SPAG17: variants seen among roughly 807,000 people sequenced by gnomAD.
The protein encoded by SPAG17 is sperm-associated antigen 17.
In SPAG17, 169 loss-of-function variants were observed where a neutral mutation model predicts 273.6. That is an observed-to-expected ratio of 0.62 (90% CI 0.55 to 0.70). The LOEUF is 0.70. SPAG17 is among the 30% of genes least tolerant of loss of function. The probability of loss-of-function intolerance (pLI) is 0.00; values close to 1 mark genes in which losing one functional copy is unlikely to be tolerated. For synonymous variants in SPAG17, 825 were observed against 873.2 expected, an observed-to-expected ratio of 0.94 and a Z score of 0.97; for missense variants, 2,557 against 2,627.8, an observed-to-expected ratio of 0.97 and a Z score of 0.59.
chr1:118,027,545 A>G (rs1647895200), intron 26 of SPAG17, among the ~76,000 whole-genome samples: 1 of 152,174 alleles, frequency 6.6e-6, no homozygotes, highest in Non-Finnish European at 1.5e-5. Context: ...AAAGGGACAC[A>G]TCATTCGTTG....
intron 45 of SPAG17, among the ~76,000 whole-genome samples, chr1:117,971,062 T>A (rs369187315): frequency 1.4e-4 from 21 of 152,248 alleles, no homozygotes; most frequent in South Asian, 4.1e-4. Context: ...GTTTTTTTTT[T>A]ATCTGATTTC....
intron 34 of SPAG17, among the ~76,000 whole-genome samples, chr1:117,996,134 C>T (rs1157117542): frequency 6.6e-6 from 1 of 152,082 alleles, no homozygotes; most frequent in Non-Finnish European, 1.5e-5. Context: ...GATACATACT[C>T]AGCGTATGCA....
chr1:117,961,992 T>G (rs1653161128), intron 48 of SPAG17: 1 of 151,906 alleles, frequency 6.6e-6, no homozygotes, highest in South Asian at 2.1e-4. Context: ...AATGTCACTT[T>G]CTAGTAACAT....
At chr1:117,973,374 T>A (rs780791840) in intron 44 of SPAG17, 51 bp downstream of exon 44, 2 of 1,575,976 alleles carry the variant, frequency 1.3e-6, no homozygotes, top group African/African-American at 1.4e-5. Context: ...AATAAAGAAT[T>A]CCATCAAATG....
At chr1:117,959,394 GAGA>G (rs780836502) in intron 48 of SPAG17, 11 of 1,613,742 alleles carry the variant, frequency 6.8e-6, no homozygotes, top group East Asian at 4.5e-5. Flanking sequence ...CCACTTGGAA[GAGA>G]AGAAGAGGAA....
chr1:118,148,978 G>A (rs538147241), intron 3 of SPAG17, among the ~76,000 whole-genome samples: 19 of 152,300 alleles, frequency 1.2e-4, no homozygotes, highest in African/African-American at 4.6e-4. Context: ...ATGCTGACAA[G>A]GAGCCTGAAT....
chr1:117,976,293 C>A (rs1482975143), intron 43 of SPAG17, among the ~76,000 whole-genome samples: 1 of 152,210 alleles, frequency 6.6e-6, no homozygotes, highest in Non-Finnish European at 1.5e-5. Flanking sequence ...ACAACTGGTA[C>A]AATCCAACTA....
chr1:117,991,623 A>T lies in SPAG17; in HGVS notation c.5362-95T>A, dbSNP rs886196599. The T allele has an allele frequency of 1.8e-5, 13 of 728,048 alleles. No individual in the cohort carries two copies. The African/African-American group carries it at 2.3e-4, about 13-fold the overall frequency. 45.1% of individuals were successfully genotyped at this position (728,048 alleles called of 1,614,324 possible). On this transcript the variant is annotated intron_variant, in intron 36 of 48. Coordinates refer to ENST00000336338, the MANE Select transcript of SPAG17 (RefSeq NM_206996.4). Reference sequence around the variant, plus strand: ...TCAACTTGAAATATTACAAAAAATGAAGAATATATAGGTTTACAGTGCTCA... The same window carrying T: ...TCAACTTGAAATATTACAAAAAATGTAGAATATATAGGTTTACAGTGCTCA...
At chr1:118,099,951 G>T (rs1655956983) in intron 5 of SPAG17, 151 bp from the exon 6 acceptor site, 1 of 633,070 alleles carries the variant, frequency 1.6e-6, no homozygotes, top group African/African-American at 1.8e-5. Flanking sequence ...CAGTCATGTT[G>T]ACTGTTTTTC....
intron 10 of SPAG17, among the ~76,000 whole-genome samples, chr1:118,088,893 A>C (rs1655178964): frequency 2.6e-5 from 4 of 152,340 alleles, no homozygotes; most frequent in Admixed American, 1.3e-4. Flanking sequence ...AGGAAAAATG[A>C]TATTTGAAGA....
intron 32 of SPAG17, among the ~76,000 whole-genome samples, chr1:117,999,787 G>A (rs1658070955): frequency 6.6e-6 from 1 of 152,142 alleles, no homozygotes; most frequent in Non-Finnish European, 1.5e-5. Context: ...TGTTCACTCT[G>A]ATGGTAGTTT....
At chr1:118,157,581 AC>A (rs991338187) in intron 1 of SPAG17, among the ~76,000 whole-genome samples, 20 of 152,040 alleles carry the variant, frequency 1.3e-4, no homozygotes, top group African/African-American at 4.6e-4. Flanking sequence ...ATCCCTAAGC[AC>A]CCCCTGCCAA....
At chr1:118,028,468 G>A (rs1648040366) in intron 25 of SPAG17, 74 bp from the exon 26 acceptor site, 1 of 1,568,892 alleles carries the variant, frequency 6.4e-7, no homozygotes, top group Non-Finnish European at 8.7e-7. Context: ...GACTAAGCCA[G>A]GATATGCTGA....
intron 1 of SPAG17, among the ~76,000 whole-genome samples, chr1:118,159,354 G>A (rs1256704466): frequency 6.6e-6 from 1 of 152,154 alleles, no homozygotes; most frequent in Non-Finnish European, 1.5e-5. Context: ...GGTTTGGGTA[G>A]TGTCAAATTC....
At chr1:118,143,798 TGGA>T (rs1235272847) in intron 3 of SPAG17, among the ~76,000 whole-genome samples, 1 of 152,174 alleles carries the variant, frequency 6.6e-6, no homozygotes, top group Non-Finnish European at 1.5e-5. Context: ...AGCCCAGACC[TGGA>T]GGAGAAGCTG....
chr1:118,175,919 C>A (rs1170714568), intron 1 of SPAG17, among the ~76,000 whole-genome samples: 6 of 152,002 alleles, frequency 3.9e-5, no homozygotes, highest in Non-Finnish European at 8.8e-5. Flanking sequence ...GCTATAGCAA[C>A]CTGGTAAGAG....
At chr1:118,184,009 G>T (rs544611337) in intron 1 of SPAG17, among the ~76,000 whole-genome samples, 1 of 152,160 alleles carries the variant, frequency 6.6e-6, no homozygotes, top group South Asian at 2.1e-4. Context: ...AGCATCAGGA[G>T]TATCACAACT....
At chr1:118,176,466 C>T (rs1405321421) in intron 1 of SPAG17, among the ~76,000 whole-genome samples, 5 of 152,116 alleles carry the variant, frequency 3.3e-5, no homozygotes, top group Non-Finnish European at 7.4e-5. Context: ...AAGAGACAAA[C>T]AAGGTCACTA....
intron 48 of SPAG17, chr1:117,958,955 G>C: frequency 6.2e-7 from 1 of 1,613,970 alleles, no homozygotes; most frequent in Non-Finnish European, 8.5e-7. Flanking sequence ...TTGTGCCAGT[G>C]ATAGAAAAAT....
Sources: allele counts gnomAD v4.1 joint callset (sites outside exome capture counted in the v4.1 genomes callset), GRCh38; gene constraint gnomAD v4.1.1; transcripts MANE v1.5; gene names NCBI Gene and HGNC (gene_info 2026-07-23, HGNC 2026-07-21).